The following SPATA16 variants were observed in gnomAD, a reference collection of about 807,000 sequenced individuals.
SPATA16 encodes spermatogenesis-associated protein 16.
SPATA16 carries 36 observed loss-of-function variants against 63.3 expected under a neutral mutation model. The observed-to-expected ratio is 0.57, with a 90% CI of 0.44 to 0.75. The LOEUF is 0.75. SPATA16 is among the 30% of genes least tolerant of loss of function. SPATA16 has a pLI of 0.00. For missense variants in SPATA16, 646 were observed against 679.3 expected (o/e 0.95, Z 0.54); for synonymous variants, 203 against 216.7 (o/e 0.94, Z 0.56).
At chr3:173,088,063 TTTC>T (rs1205057120) in intron 2 of SPATA16, among the ~76,000 whole-genome samples, 39 of 137,754 alleles carry the variant, frequency 2.8e-4, no homozygotes, top group African/African-American at 5.6e-4. Context: ...TCTTTCTTTC[TTTC>T]TTTCTTTCTT....
At chr3:172,937,872 T>C (rs551735233) in intron 6 of SPATA16, among the ~76,000 whole-genome samples, 50 of 152,222 alleles carry the variant, frequency 3.3e-4, no homozygotes, top group Admixed American at 1.0e-3. Flanking sequence ...TGCAGACGGG[T>C]ATACATCATC....
At chr3:172,947,500 C>T (rs9821053) in intron 6 of SPATA16, among the ~76,000 whole-genome samples, 13,713 of 152,102 alleles carry the variant, frequency 0.09, 2,083 homozygotes, top group African/African-American at 0.31. Context: ...TGTTAGCTTA[C>T]GTTTCGCTTG....
At chr3:173,069,112 G>GAAAAAAAAAAAAAAAAAAAAAAAAAA (rs541801266) in intron 2 of SPATA16, among the ~76,000 whole-genome samples, 7 of 109,174 alleles carry the variant, frequency 6.4e-5, no homozygotes, top group African/African-American at 2.6e-4. Flanking sequence ...TCCGTCTCAA[G>GAAAAAAAAAAAAAAAAAAAAAAAAAA]AAAAAAAAAA....
chr3:172,968,010 CT>C (rs1353869801), intron 5 of SPATA16, among the ~76,000 whole-genome samples: 2 of 152,202 alleles, frequency 1.3e-5, no homozygotes, highest in Admixed American at 6.5e-5. Context: ...GAAAAACTGT[CT>C]TTCACAAAAC....
intron 4 of SPATA16, among the ~76,000 whole-genome samples, chr3:172,983,793 C>T (rs1218485661): frequency 1.3e-5 from 2 of 151,888 alleles, no homozygotes; most frequent in Non-Finnish European, 2.9e-5. Flanking sequence ...TTTATCTAGG[C>T]TCACATATTT....
chr3:173,124,932 C>T (rs1158871241), intron 1 of SPATA16, among the ~76,000 whole-genome samples: 1 of 152,112 alleles, frequency 6.6e-6, no homozygotes, highest in East Asian at 1.9e-4. Context: ...TCATACATAC[C>T]TAACTACCCG....
chr3:173,111,359 G>A (rs552636294), intron 2 of SPATA16, among the ~76,000 whole-genome samples: 5 of 152,126 alleles, frequency 3.3e-5, no homozygotes, highest in South Asian at 2.1e-4. Flanking sequence ...ACAGTGAGCC[G>A]AGATCGTACC....
intron 2 of SPATA16, among the ~76,000 whole-genome samples, chr3:173,092,969 A>C (rs1022773708): frequency 4.0e-5 from 6 of 150,448 alleles, no homozygotes; most frequent in African/African-American, 1.5e-4. Context: ...ATTGTACTGT[A>C]TTTCCTTTTT....
At chr3:173,104,019 A>C (rs1350051093) in intron 2 of SPATA16, among the ~76,000 whole-genome samples, 1 of 152,182 alleles carries the variant, frequency 6.6e-6, no homozygotes, top group African/African-American at 2.4e-5. Flanking sequence ...TCTGCTAGAT[A>C]GTCTAGGTCA....
intron 2 of SPATA16, among the ~76,000 whole-genome samples, chr3:173,055,903 A>G (rs1166990348): frequency 6.6e-6 from 1 of 152,224 alleles, no homozygotes. Context: ...ATCTTAAAGT[A>G]AAATTTAATT....
intron 10 of SPATA16, among the ~76,000 whole-genome samples, chr3:172,894,360 T>C (rs1231953469): frequency 1.3e-5 from 2 of 152,130 alleles, no homozygotes; most frequent in Non-Finnish European, 2.9e-5. Flanking sequence ...TGGCTAGTAT[T>C]CAAACAGACA....
chr3:173,036,709 C>A (rs192433695), intron 3 of SPATA16, among the ~76,000 whole-genome samples: 97 of 152,032 alleles, frequency 6.4e-4, no homozygotes, highest in Non-Finnish European at 5.5e-4. Context: ...TAGCTGCATA[C>A]CTTGTGTGAC....
At chr3:173,017,724 A>C (rs1425983588) in intron 4 of SPATA16, among the ~76,000 whole-genome samples, 1 of 152,196 alleles carries the variant, frequency 6.6e-6, no homozygotes, top group Non-Finnish European at 1.5e-5. Context: ...TAGTTCTGAA[A>C]TTGTGTCTAG....
intron 3 of SPATA16, among the ~76,000 whole-genome samples, chr3:173,028,101 C>T (rs1735511079): frequency 6.9e-6 from 1 of 145,796 alleles, no homozygotes; most frequent in Non-Finnish European, 1.5e-5. Flanking sequence ...TTCTTTCTTT[C>T]AATTTCTTTT....
rs368728153 is a variant in SPATA16 at position 172,987,416 on chromosome 3, C to T, written c.849-10364G>A. On this transcript the variant is annotated intron_variant, in intron 4 of 10. Coordinates refer to ENST00000351008, the MANE Select transcript of SPATA16 (RefSeq NM_031955.6). ...ACCTGTCTCCTGTCCCACCATATCC[C>T]GGGTCACTCTCCCATGATGGACAGT... Among the ~76,000 whole-genome samples, 174 of 152,290 alleles carry T rather than the reference C, an allele frequency of 1.1e-3. 1 individual carries two copies. The highest frequency in any genetic ancestry group is 4.0e-3 in the African/African-American group (168 of 41,550).
chr3:173,045,331 G>C (rs1235710163), intron 3 of SPATA16, among the ~76,000 whole-genome samples: 2 of 151,952 alleles, frequency 1.3e-5, no homozygotes, highest in Admixed American at 6.6e-5. Flanking sequence ...GAAGATTATG[G>C]GGCTCATCCT....
chr3:172,889,823 G>T, intron 10 of SPATA16, 131 bp from the exon 11 acceptor site: 1 of 1,283,944 alleles, frequency 7.8e-7, no homozygotes, highest in Non-Finnish European at 1.1e-6. Flanking sequence ...GGCAGAAACA[G>T]AAATGATTAC....
intron 10 of SPATA16, among the ~76,000 whole-genome samples, chr3:172,895,800 T>C (rs1181682273): frequency 6.6e-6 from 1 of 152,190 alleles, no homozygotes; most frequent in Non-Finnish European, 1.5e-5. Flanking sequence ...TACCAGTTTG[T>C]TTAACCATTC....
intron 2 of SPATA16, among the ~76,000 whole-genome samples, chr3:173,055,735 C>T (rs1346450863): frequency 6.6e-6 from 1 of 152,126 alleles, no homozygotes; most frequent in Non-Finnish European, 1.5e-5. Context: ...TACACACACA[C>T]ATACAAGAGT....
Sources: allele counts gnomAD v4.1 joint callset (sites outside exome capture counted in the v4.1 genomes callset), GRCh38; gene constraint gnomAD v4.1.1; transcripts MANE v1.5; gene names NCBI Gene and HGNC (gene_info 2026-07-23, HGNC 2026-07-21).